PSME4: variants seen among roughly 807,000 people sequenced by gnomAD.
PSME4 encodes proteasome activator subunit 4, also known as proteasome activator complex subunit 4.
Under a neutral mutation model 253.9 loss-of-function variants are expected in PSME4, and 89 were observed. That is an observed-to-expected ratio of 0.35 (90% confidence interval 0.30 to 0.42). The LOEUF is 0.42. Ranked by LOEUF, PSME4 falls within the 10% of genes least tolerant of loss-of-function variation. PSME4 has a pLI of 1.00. For missense variants in PSME4, 2,014 were observed against 2,195.2 expected, an observed-to-expected ratio of 0.92 and a Z score of 1.65; for synonymous variants, 851 against 759.2, an observed-to-expected ratio of 1.12 and a Z score of -1.99.
At chr2:53,903,824 T>C (rs1051339845) in intron 27 of PSME4, among the ~76,000 whole-genome samples, 15 of 152,268 alleles carry the variant, frequency 9.9e-5, no homozygotes, top group Admixed American at 9.8e-4. Context: ...CATACCTGTT[T>C]AAAGGTGAAT....
intron 1 of PSME4, among the ~76,000 whole-genome samples, chr2:53,950,552 G>A (rs149634980): frequency 1.2e-3 from 185 of 152,244 alleles, no homozygotes; most frequent in African/African-American, 4.2e-3. Context: ...AGAAAAAGGT[G>A]TCCCAATGGC....
Position 53,888,693 on chromosome 2 carries a change from A to G in PSME4, c.4388+28T>C, listed in dbSNP as rs138945944. 1,455 of 1,489,930 alleles carry G rather than the reference A, an allele frequency of 9.8e-4. 5 individuals carry two copies. The highest frequency in any genetic ancestry group is 9.7e-3 in the African/African-American group (702 of 72,378). The allele number at this position is 1,489,930 out of a possible 1,614,324, so 92.3% of individuals were successfully genotyped here. Reference sequence around the variant, plus strand: ...AGTTAACACAAAACCTTTCGTGTTAACCTCATAGGTTTTTTAAAAAAATTT... The same window carrying G: ...AGTTAACACAAAACCTTTCGTGTTAGCCTCATAGGTTTTTTAAAAAAATTT... On this transcript the variant is annotated intron_variant, in intron 38 of 46. Transcript: ENST00000404125.
In PSME4 at chr2:53,936,110, C is replaced by A. The variant is rs1381626485; in HGVS notation, c.811G>T (p.Asp271Tyr). The A allele has an allele frequency of 1.9e-6, 3 of 1,612,644 alleles. No individual in the cohort carries two copies. The East Asian group carries it at 6.7e-5, about 36-fold the overall frequency. The part of the protein sequence containing the change: ...RLATDNIGYI[D>Y]WDPYVPKIFT... Reference sequence around the variant, plus strand: ...ACCTTTGGTACATATGGATCCCAATCTATGTACCCTATATTATCTGTAGCC... The same window carrying A: ...ACCTTTGGTACATATGGATCCCAATATATGTACCCTATATTATCTGTAGCC... The change falls in exon 7 of 47, where the codon GAT (aspartate) becomes TAT (tyrosine). Residue 271 changes from aspartate to tyrosine, a missense_variant. Physicochemically the swap from Asp to Tyr is radical, Grantham distance 160. Around this residue, in one of 4 missense-constraint regions of PSME4, gnomAD observed 615 missense variants for 594.4 expected, o/e 1.03. Coordinates refer to ENST00000404125, the MANE Select transcript of PSME4 (RefSeq NM_014614.3).
At chr2:53,922,394 C>T in intron 17 of PSME4, 123 bp downstream of exon 17, 1 of 932,812 alleles carries the variant, frequency 1.1e-6, no homozygotes, top group African/African-American at 1.7e-5. Context: ...TCTGAAGCCT[C>T]ATCAAATTTC....
At chr2:53,954,311 G>C (rs1346042468) in intron 1 of PSME4, among the ~76,000 whole-genome samples, 2 of 150,626 alleles carry the variant, frequency 1.3e-5, no homozygotes, top group Admixed American at 1.3e-4. Context: ...CTGGGCAACA[G>C]AGGGAGACTC....
intron 7 of PSME4, 44 bp from the exon 8 acceptor site, chr2:53,934,771 A>G: frequency 6.9e-7 from 1 of 1,456,006 alleles, no homozygotes. Context: ...CAGGTATCAA[A>G]ATAATTCTTT....
At chr2:53,895,822 A>G in intron 32 of PSME4, 86 bp from the exon 33 acceptor site, 4 of 1,206,466 alleles carry the variant, frequency 3.3e-6, no homozygotes, top group Non-Finnish European at 4.6e-6. Context: ...TACCAGCATA[A>G]CTTTGTCTTC....
At chr2:53,887,587 G>A in intron 39 of PSME4, 120 bp from the exon 40 acceptor site, 1 of 973,388 alleles carries the variant, frequency 1.0e-6, no homozygotes, top group Non-Finnish European at 1.5e-6. Flanking sequence ...GTGGGTCTTA[G>A]ATTATGCCTG....
intron 1 of PSME4, among the ~76,000 whole-genome samples, chr2:53,959,433 A>G (rs1324153044): frequency 2.6e-5 from 4 of 152,190 alleles, no homozygotes; most frequent in Admixed American, 2.0e-4. Context: ...AATATTTTAC[A>G]GCAAGGAAAA....
intron 14 of PSME4, 152 bp from the exon 15 acceptor site, chr2:53,923,571 T>C: frequency 8.9e-7 from 1 of 1,119,338 alleles, no homozygotes; most frequent in Non-Finnish European, 1.2e-6. Flanking sequence ...ATTTGTTTAA[T>C]GATGTTACAT....
rs759952469 is a variant in PSME4 at position 53,920,877 on chromosome 2, G to T, written c.2262+12C>A. On this transcript the variant is annotated intron_variant, in intron 18 of 46. Coordinates refer to ENST00000404125, the MANE Select transcript of PSME4 (RefSeq NM_014614.3). ...ACATATTCTTGAATCCTAAAGTACT[G>T]AAAATGCTTGCCTTGATAGGAAAGT... is the stretch of plus-strand genomic sequence containing the variant. The T allele has an allele frequency of 6.4e-7, 1 of 1,570,442 alleles. No individual in the cohort carries two copies. The highest frequency in any genetic ancestry group is 8.8e-7 in the Non-Finnish European group (1 of 1,141,422).
In PSME4 at chr2:53,921,229, G is replaced by A; in HGVS notation, c.2047-125C>T. ...TCTAAATGACTTTAATTAATTTTAG[G>A]ATTGTCACTTTAACTGCATTCTAAT... On this transcript the variant is annotated intron_variant, in intron 17 of 46. Transcript: ENST00000404125. 3 of 1,411,584 alleles carry A rather than the reference G, an allele frequency of 2.1e-6. No individual in the cohort carries two copies. The South Asian group carries it at 3.9e-5, about 18-fold the overall frequency. The allele number at this position is 1,411,584 out of a possible 1,614,324, so 87.4% of individuals were successfully genotyped here. A position where few individuals can be genotyped will look rare whatever the true frequency, so the allele number is the denominator to read the frequency against.
chr2:53,877,504 G>C (rs937939398), intron 41 of PSME4, among the ~76,000 whole-genome samples: 4 of 151,016 alleles, frequency 2.6e-5, no homozygotes, highest in African/African-American at 9.8e-5. Context: ...GCTTGAAACT[G>C]TTGTTAAAAA....
intron 20 of PSME4, among the ~76,000 whole-genome samples, chr2:53,913,806 A>T (rs1369399801): frequency 6.6e-6 from 1 of 152,268 alleles, no homozygotes; most frequent in Non-Finnish European, 1.5e-5. Flanking sequence ...AGTCTGACAC[A>T]TAAGCTTTTA....
At chr2:53,940,089 C>A in intron 3 of PSME4, 89 bp from the exon 4 acceptor site, 1 of 1,012,574 alleles carries the variant, frequency 9.9e-7, no homozygotes. Context: ...GATAACCTCA[C>A]ACATTCAGGT....
chr2:53,914,455 T>A (rs1186365374), intron 20 of PSME4, among the ~76,000 whole-genome samples: 1 of 152,202 alleles, frequency 6.6e-6, no homozygotes, highest in African/African-American at 2.4e-5. Flanking sequence ...TTCAACAACC[T>A]GTGATATCTG....
In PSME4 at chr2:53,900,004, CAT is replaced by C; in HGVS notation, c.3297_3298del (p.Val1101Ter). ...TTGAAGTAATTCCGCTATTTCAACA[CAT>C]GACTTTGGAATCTTGTTAAAAAGAA... On this transcript the variant is annotated frameshift_variant, in exon 29 of 47. Coordinates refer to ENST00000404125, the MANE Select transcript of PSME4 (RefSeq NM_014614.3). LOFTEE classifies it high-confidence loss of function. 3 of 1,612,392 alleles carry C rather than the reference CAT, an allele frequency of 1.9e-6. No homozygotes were observed. Among genetic ancestry groups the C allele is most frequent in the Non-Finnish European group, 2.5e-6 (3 of 1,179,398 alleles).
intron 17 of PSME4, among the ~76,000 whole-genome samples, chr2:53,921,810 G>A (rs1320629417): frequency 7.2e-6 from 1 of 139,024 alleles, no homozygotes; most frequent in African/African-American, 2.6e-5. Flanking sequence ...GGAGCTTGCA[G>A]TGAGCCGAGA....
At chr2:53,947,000 ACTATT>A (rs1212681513) in intron 3 of PSME4, among the ~76,000 whole-genome samples, 1 of 152,226 alleles carries the variant, frequency 6.6e-6, no homozygotes, top group Non-Finnish European at 1.5e-5. Context: ...TGCACAATGC[ACTATT>A]CTATTTCGTG....
Sources: allele counts gnomAD v4.1 joint callset (sites outside exome capture counted in the v4.1 genomes callset), GRCh38; gene constraint gnomAD v4.1.1; regional missense constraint gnomAD v4.1.1; transcripts MANE v1.5; gene names NCBI Gene and HGNC (gene_info 2026-07-23, HGNC 2026-07-21).